GPR83: variants seen among roughly 807,000 people sequenced by gnomAD.
The protein encoded by GPR83 is G protein-coupled receptor 83.
Under a neutral mutation model 28.0 loss-of-function variants are expected in GPR83, and 23 were observed. The ratio of observed to expected loss-of-function variants is 0.82; its 90% CI spans 0.59 to 1.16. The LOEUF is 1.16. Among genes scored for constraint, GPR83 ranks in the 50% most tolerant of loss-of-function variants. The pLI is 0.00. For synonymous variants in GPR83, 234 were observed against 215.4 expected (o/e 1.09, Z -0.76); for missense variants, 610 against 536.6 (o/e 1.14, Z -1.35).
chr11:94,380,129 C>A lies in GPR83; in HGVS notation c.*20G>T. The A allele has an allele frequency of 2.7e-6, 4 of 1,501,164 alleles. No individual in the cohort carries two copies. Among genetic ancestry groups the A allele is most frequent in the Non-Finnish European group, 3.6e-6 (4 of 1,124,708 alleles). 93.0% of individuals were successfully genotyped at this position (1,501,164 alleles called of 1,614,324 possible). A position where few individuals can be genotyped will look rare whatever the true frequency, so the allele number is the denominator to read the frequency against. The stretch of plus-strand genomic sequence containing the variant: ...CTCAGGTGGAGACAGACCCCTCCCA[C>A]TCCCTCTTCCCAACCTCTTCTAACT... On this transcript the variant is annotated 3_prime_UTR_variant, in exon 4 of 4. Transcript: ENST00000243673.
Position 94,380,782 on chromosome 11 carries a change from A to G in GPR83, c.648-9T>C. Reference sequence around the variant, plus strand: ...AGCGCACAATGTCCTCACTGGGGGCAGGAAGTGGGGAGGGGGAGAGAGGTA... The same window carrying G: ...AGCGCACAATGTCCTCACTGGGGGCGGGAAGTGGGGAGGGGGAGAGAGGTA... On this transcript the variant is annotated splice_polypyrimidine_tract_variant and intron_variant, in intron 3 of 3. Coordinates refer to ENST00000243673, the MANE Select transcript of GPR83 (RefSeq NM_016540.4). The G allele has an allele frequency of 6.3e-7, 1 of 1,597,888 alleles. No homozygotes were observed.
chr11:94,396,657 T>G, intron 1 of GPR83, 133 bp from the exon 2 acceptor site: 1 of 791,242 alleles, frequency 1.3e-6, no homozygotes, highest in Admixed American at 2.5e-5. Context: ...TGATACTGAA[T>G]TGTGGAGTAA....
At chr11:94,381,370 T>C (rs1450649416) in intron 3 of GPR83, among the ~76,000 whole-genome samples, 1 of 152,122 alleles carries the variant, frequency 6.6e-6, no homozygotes, top group African/African-American at 2.4e-5. Context: ...AAACTTCCTT[T>C]GCTTTTTTTA....
In GPR83 at chr11:94,382,772, C is replaced by T. The variant is rs995094238; in HGVS notation, c.648-1999G>A. Among the ~76,000 whole-genome samples the T allele has an allele frequency of 3.9e-5, 6 of 152,076 alleles. No individual in the cohort carries two copies. In the East Asian group the frequency reaches 5.8e-4, roughly 15 times the overall value. On this transcript the variant is annotated intron_variant, in intron 3 of 3. Transcript: ENST00000243673. ...ATCACACTTATTCTAAAATTGACCA[C>T]GTAATTGGAAATAAAACACTCCTTA...
chr11:94,400,989 AGAGT>A lies in GPR83; in HGVS notation c.255_258del (p.Phe87AlafsTer31), dbSNP rs1198920786. On this transcript the variant is annotated frameshift_variant, in exon 1 of 4. Coordinates refer to ENST00000243673, the MANE Select transcript of GPR83 (RefSeq NM_016540.4). LOFTEE classifies it high-confidence loss of function. The stretch of plus-strand genomic sequence containing the variant: ...ACATGACAGACCAGGACGTTGCCAA[AGAGT>A]GAGAAGACAATGATGAAGGAGTAAG... 6.2e-7 allele frequency: 1 copy of A among 1,614,196 alleles called. No homozygotes were observed.
At position 94,386,537 on chromosome 11, in the gene GPR83, G is replaced by A. The variant is rs536254863; in HGVS notation, c.648-5764C>T. On this transcript the variant is annotated intron_variant, in intron 3 of 3. Transcript: ENST00000243673. ...AGCAAATGGAAAACAAAAAAACGCA[G>A]GGGTTGCAATCCTAGTCTCTGATAA... 7.2e-5 allele frequency among the ~76,000 whole-genome samples: 11 copies of A among 152,248 alleles called. No individual in the cohort carries two copies. The East Asian group carries it at 7.7e-4, about 11-fold the overall frequency.
chr11:94,393,379 T>C, intron 3 of GPR83, 106 bp downstream of exon 3: 2 of 969,042 alleles, frequency 2.1e-6, no homozygotes, highest in Non-Finnish European at 3.2e-6. Context: ...CAGGTACTAG[T>C]TACTCAGACA....
In GPR83 at chr11:94,401,291, T is replaced by A. The variant is rs776954624; in HGVS notation, c.-44A>T. On this transcript the variant is annotated 5_prime_UTR_variant, in exon 1 of 4. Transcript: ENST00000243673. ...CCCCTGGGAGCCTGCGGGCCGGGCG[T>A]CCCCTCCCGCTGGGATCGGAGCGCG... is the stretch of plus-strand genomic sequence containing the variant. 2.0e-6 allele frequency: 3 copies of A among 1,531,670 alleles called. No individual in the cohort carries two copies. Among genetic ancestry groups the A allele is most frequent in the Non-Finnish European group, 2.6e-6 (3 of 1,146,046 alleles). 94.9% of individuals were successfully genotyped at this position (1,531,670 alleles called of 1,614,324 possible).
intron 1 of GPR83, among the ~76,000 whole-genome samples, chr11:94,399,118 C>T (rs3758786): frequency 0.15 from 23,383 of 152,156 alleles, 2,253 homozygotes; most frequent in Non-Finnish European, 0.22. Context: ...TGTTCTGTGG[C>T]TTCCCAGTTC....
At position 94,378,759 on chromosome 11, in the gene GPR83, T is replaced by C. The variant is rs1348425322; in HGVS notation, c.*1390A>G. On this transcript the variant is annotated 3_prime_UTR_variant, in exon 4 of 4. Transcript: ENST00000243673. ...TCTAAGCACAATTACTTCCAGCATA[T>C]TGGAAAGCCTGCTCCCTCATCTCTT... is the stretch of plus-strand genomic sequence containing the variant. The C allele has an allele frequency of 1.3e-5, 2 of 152,606 alleles. No homozygotes were observed. Among genetic ancestry groups the C allele is most frequent in the Non-Finnish European group, 2.9e-5 (2 of 68,022 alleles). The allele number at this position is 152,606 out of a possible 1,614,324, so 9.5% of individuals were successfully genotyped here.
rs988114439 is a variant in GPR83 at position 94,379,451 on chromosome 11, G to A, written c.*698C>T. ...CACACGAAGGAAAATGTTGCAAATA[G>A]AGCCACAGCATGTTCACAGATGTTA... is the stretch of plus-strand genomic sequence containing the variant. On this transcript the variant is annotated 3_prime_UTR_variant, in exon 4 of 4. Transcript: ENST00000243673. 4 of 151,184 alleles carry A rather than the reference G, an allele frequency of 2.6e-5. No homozygotes were observed. The highest frequency in any genetic ancestry group is 5.9e-5 in the Non-Finnish European group (4 of 67,898). 9.4% of individuals were successfully genotyped at this position (151,184 alleles called of 1,614,324 possible). A position where few individuals can be genotyped will look rare whatever the true frequency, so the allele number is the denominator to read the frequency against.
rs1325335796 is a variant in GPR83 at position 94,401,144 on chromosome 11, A to G, written c.104T>C (p.Val35Ala). The G allele has an allele frequency of 6.2e-7, 1 of 1,614,052 alleles. No individual in the cohort carries two copies. The highest frequency in any genetic ancestry group is 1.7e-5 in the Admixed American group (1 of 60,004). The stretch of plus-strand genomic sequence containing the variant: ...AGAGAAGAAGTGCGAGGCATTGGGC[A>G]CGGCCAGGGCCGCCTCCGCGCTCTG... ...DEQSAEAALA[V>A]PNASHFFSWN... The change falls in exon 1 of 4, where the codon GTG becomes GCG. Residue 35 changes from valine to alanine, a missense_variant. Coordinates refer to ENST00000243673, the MANE Select transcript of GPR83 (RefSeq NM_016540.4).
At chr11:94,382,301 C>T (rs1366432833) in intron 3 of GPR83, among the ~76,000 whole-genome samples, 1 of 135,650 alleles carries the variant, frequency 7.4e-6, no homozygotes, top group Admixed American at 8.5e-5. Flanking sequence ...TGAGATTGTG[C>T]CATTGCACTC....
chr11:94,383,204 T>A lies in GPR83; in HGVS notation c.648-2431A>T, dbSNP rs544808281. ...ACTCACTCAAAACCACACAACTACA[T>A]GGAAACTGAACAACCAGCTACGAAA... On this transcript the variant is annotated intron_variant, in intron 3 of 3. Transcript: ENST00000243673. 8.4e-4 allele frequency among the ~76,000 whole-genome samples: 125 copies of A among 149,348 alleles called. 2 individuals are homozygous for A. The highest frequency in any genetic ancestry group is 3.0e-3 in the African/African-American group (122 of 40,784).
At chr11:94,383,565 C>T (rs1457214321) in intron 3 of GPR83, among the ~76,000 whole-genome samples, 2 of 151,892 alleles carry the variant, frequency 1.3e-5, no homozygotes, top group Non-Finnish European at 2.9e-5. Flanking sequence ...TTGAAAAGAT[C>T]AACAAACTTG....
intron 2 of GPR83, among the ~76,000 whole-genome samples, chr11:94,394,291 C>T (rs1482316594): frequency 6.6e-6 from 1 of 152,190 alleles, no homozygotes; most frequent in Non-Finnish European, 1.5e-5. Flanking sequence ...GGAAGCTGCA[C>T]AGACACTTAT....
At position 94,392,513 on chromosome 11, in the gene GPR83, C is replaced by T. The variant is rs571963908; in HGVS notation, c.647+972G>A. 1.7e-3 allele frequency among the ~76,000 whole-genome samples: 251 copies of T among 152,096 alleles called. 2 individuals are homozygous for T. Among genetic ancestry groups the T allele is most frequent in the Non-Finnish European group, 2.7e-3 (185 of 67,980 alleles). On this transcript the variant is annotated intron_variant, in intron 3 of 3. Transcript: ENST00000243673. The stretch of plus-strand genomic sequence containing the variant: ...ACATACCAGTGACCACCACCACCAC[C>T]ATCAATAAATGACAAAAATCACTCT...
rs1944676169 is a variant in GPR83 at position 94,380,547 on chromosome 11, T to C, written c.874A>G (p.Lys292Glu). ...AGGACTACCACCAGCATCAACATCT[T>C]GATGGTCTTCTTCTTTTTGCGCCGC... Reference protein sequence around the residue: ...ALRRKKKKTIKMLMLVVVLFA... With the variant: ...ALRRKKKKTIEMLMLVVVLFA... Residue 292 changes from lysine (K) to glutamate (E), a missense_variant, in exon 4 of 4, where the codon AAG becomes GAG. Transcript: ENST00000243673. 2 of 1,614,056 alleles carry C rather than the reference T, an allele frequency of 1.2e-6. No homozygotes were observed.
chr11:94,380,683 C>T lies in GPR83; in HGVS notation c.738G>A (p.Leu246=), dbSNP rs769053954. ...TGATGAGGAGGGGCAGGATGTAGAGCAGGATGAAGGTGGCCAAGTCCAGGT... is the reference window on the plus strand; with the variant it reads ...TGATGAGGAGGGGCAGGATGTAGAGTAGGATGAAGGTGGCCAAGTCCAGGT... ...WKYLDLATFI[L]LYILPLLIIS... is the part of the protein sequence containing the mutation. The change falls in exon 4 of 4, where the codon CTG becomes CTA. Residue 246 remains leucine, a synonymous_variant. Transcript: ENST00000243673. 6.2e-7 allele frequency: 1 copy of T among 1,613,570 alleles called. No individual in the cohort carries two copies. Among genetic ancestry groups the T allele is most frequent in the Non-Finnish European group, 8.5e-7 (1 of 1,179,986 alleles).
Sources: allele counts gnomAD v4.1 joint callset (sites outside exome capture counted in the v4.1 genomes callset), GRCh38; gene constraint gnomAD v4.1.1; transcripts MANE v1.5; gene names NCBI Gene and HGNC (gene_info 2026-07-23, HGNC 2026-07-21).